The following LINGO2 variants were observed in gnomAD, a reference collection of about 807,000 sequenced individuals.
LINGO2 encodes the protein leucine rich repeat and Ig domain containing 2, also known as leucine-rich repeat and immunoglobulin-like domain-containing nogo receptor-interacting protein 2.
A neutral mutation model predicts 30.6 loss-of-function variants in LINGO2; 14 were observed. The ratio of observed to expected loss-of-function variants is 0.46; its 90% CI spans 0.30 to 0.72. The LOEUF is 0.72. Among genes scored for constraint, LINGO2 ranks in the 30% least tolerant of loss-of-function variants. The pLI, the probability that LINGO2 is intolerant of heterozygous loss-of-function variation, is 0.07. For synonymous variants in LINGO2, 317 were observed against 288.5 expected (o/e 1.10, Z -1.00); for missense variants, 729 against 751.7 (o/e 0.97, Z 0.35).
intron 5 of LINGO2, among the ~76,000 whole-genome samples, chr9:27,995,997 G>C (rs200577381): frequency 1.3e-5 from 2 of 152,104 alleles, no homozygotes; most frequent in African/African-American, 4.8e-5. Flanking sequence ...TGTTAGAACT[G>C]ATAAATTAAT....
the LINGO2 span, among the ~76,000 whole-genome samples, chr9:29,012,905 TTC>T: frequency 1.3e-5 from 2 of 152,220 alleles, no homozygotes; most frequent in African/African-American, 4.8e-5. Context: ...TCAGAAAAAG[TTC>T]TTTTCTATTA....
At chr9:28,253,996 A>C (rs1032184326) in intron 4 of LINGO2, among the ~76,000 whole-genome samples, 2 of 151,946 alleles carry the variant, frequency 1.3e-5, no homozygotes, top group African/African-American at 4.8e-5. Flanking sequence ...TTCAGGAGAG[A>C]GTCCTTTTTT....
the LINGO2 span, among the ~76,000 whole-genome samples, chr9:29,016,712 G>T: frequency 6.6e-6 from 1 of 152,058 alleles, no homozygotes; most frequent in Non-Finnish European, 1.5e-5. Context: ...TTATTTTTAA[G>T]AACTATATCT....
the LINGO2 span, among the ~76,000 whole-genome samples, chr9:28,784,897 G>A: frequency 1.1e-4 from 16 of 150,936 alleles, no homozygotes; most frequent in African/African-American, 3.7e-4. Flanking sequence ...GTAGTGAGCC[G>A]AGATCGTGCC....
chr9:28,448,267 A>C (rs1027878042), intron 2 of LINGO2, among the ~76,000 whole-genome samples: 13 of 152,150 alleles, frequency 8.5e-5, no homozygotes, highest in African/African-American at 3.1e-4. Context: ...AGTACAAAAA[A>C]CCTTGCAGAA....
At chr9:28,764,867 C>A in the LINGO2 span, among the ~76,000 whole-genome samples, 259 of 151,434 alleles carry the variant, frequency 1.7e-3, 1 homozygote, top group African/African-American at 4.9e-3. Flanking sequence ...ATGACCTATG[C>A]AAAAAGGAAG....
chr9:28,392,827 G>A (rs1051773631), intron 2 of LINGO2, among the ~76,000 whole-genome samples: 1 of 152,186 alleles, frequency 6.6e-6, no homozygotes, highest in Non-Finnish European at 1.5e-5. Flanking sequence ...GCAACTCCAA[G>A]GGTTTTAGAA....
chr9:28,898,211 C>T, the LINGO2 span, among the ~76,000 whole-genome samples: 1 of 152,118 alleles, frequency 6.6e-6, no homozygotes, highest in African/African-American at 2.4e-5. Context: ...AATAATTCAT[C>T]AAACGTGATT....
At chr9:29,000,128 C>G in the LINGO2 span, among the ~76,000 whole-genome samples, 26 of 151,994 alleles carry the variant, frequency 1.7e-4, no homozygotes, top group Admixed American at 5.2e-4. Flanking sequence ...GTTGTTGATT[C>G]AATCATGTAT....
At chr9:28,004,979 T>C (rs1251421246) in intron 5 of LINGO2, among the ~76,000 whole-genome samples, 2 of 152,174 alleles carry the variant, frequency 1.3e-5, no homozygotes, top group East Asian at 3.9e-4. Flanking sequence ...CATGGGAGGC[T>C]TTTTCTTAGA....
chr9:28,189,126 C>G (rs1282335323), intron 4 of LINGO2, among the ~76,000 whole-genome samples: 2 of 151,848 alleles, frequency 1.3e-5, no homozygotes, highest in Non-Finnish European at 2.9e-5. Context: ...GAACAAAGTT[C>G]CTGAGGTTAG....
chr9:28,345,296 G>A (rs148785191), intron 3 of LINGO2, among the ~76,000 whole-genome samples: 178 of 151,550 alleles, frequency 1.2e-3, no homozygotes, highest in African/African-American at 4.0e-3. Context: ...GTTACTAAGG[G>A]CCTAAGTGCA....
At chr9:28,556,083 C>T (rs1261086143) in intron 1 of LINGO2, among the ~76,000 whole-genome samples, 1 of 152,000 alleles carries the variant, frequency 6.6e-6, no homozygotes, top group Non-Finnish European at 1.5e-5. Context: ...TGAAAATGGG[C>T]ACAAGACAGG....
intron 4 of LINGO2, among the ~76,000 whole-genome samples, chr9:28,066,655 T>A (rs562391216): frequency 1.3e-5 from 2 of 152,228 alleles, no homozygotes; most frequent in Middle Eastern, 3.4e-3. Flanking sequence ...AAAATTTATA[T>A]CACTCTTAGA....
At chr9:28,503,710 G>C (rs941431498) in intron 1 of LINGO2, among the ~76,000 whole-genome samples, 3 of 151,876 alleles carry the variant, frequency 2.0e-5, no homozygotes, top group Admixed American at 1.3e-4. Context: ...TACTGGAAGG[G>C]ATAAAATAGT....
At chr9:28,069,025 G>C (rs981095779) in intron 4 of LINGO2, among the ~76,000 whole-genome samples, 2 of 152,080 alleles carry the variant, frequency 1.3e-5, no homozygotes, top group Non-Finnish European at 2.9e-5. Context: ...CAAAAAACTA[G>C]AGTACAGAGA....
the LINGO2 span, among the ~76,000 whole-genome samples, chr9:29,148,847 A>C: frequency 6.6e-6 from 1 of 152,236 alleles, no homozygotes; most frequent in South Asian, 2.1e-4. Flanking sequence ...ATAACAAAAT[A>C]AAAGTATTCA....
At chr9:29,129,572 C>G in the LINGO2 span, among the ~76,000 whole-genome samples, 1 of 151,896 alleles carries the variant, frequency 6.6e-6, no homozygotes, top group East Asian at 1.9e-4. Context: ...TTTAAGGTTA[C>G]TAAGGATAAG....
At chr9:27,984,577 T>C (rs1821036253) in intron 5 of LINGO2, among the ~76,000 whole-genome samples, 3 of 151,842 alleles carry the variant, frequency 2.0e-5, no homozygotes, top group Non-Finnish European at 1.5e-5. Flanking sequence ...AGAGCATTGC[T>C]CTTTTATGGG....
Sources: gnomAD v4.1 joint callset for allele counts (sites outside exome capture counted in the v4.1 genomes callset) on GRCh38, gnomAD v4.1.1 for gene constraint, MANE v1.5 for transcripts, NCBI Gene and HGNC (gene_info 2026-07-23, HGNC 2026-07-21) for gene names.